Variants in RASSF5 observed in about 807,000 individuals in gnomAD.
RASSF5 encodes Ras association domain family member 5.
A neutral mutation model predicts 40.5 loss-of-function variants in RASSF5; 25 were observed. That is an observed-to-expected ratio of 0.62 (90% CI 0.45 to 0.86). RASSF5 has a LOEUF of 0.86. Ranked by LOEUF, RASSF5 falls within the 40% of genes least tolerant of loss-of-function variation. The probability of loss-of-function intolerance (pLI) is 0.00; values close to 1 mark genes in which losing one functional copy is unlikely to be tolerated. For synonymous variants in RASSF5, 246 were observed against 252.4 expected (o/e 0.97, Z 0.24); for missense variants, 521 against 572.8 (o/e 0.91, Z 0.92).
In RASSF5 at chr1:206,507,844, G is replaced by T. The variant is rs550837779; in HGVS notation, c.242G>T (p.Arg81Leu). ...CCGCCCCGGGCCTCCCGACCCGCTC[G>T]CCCGCTCCGGCCTGGTCTGCAGCAG... The part of the protein sequence containing the change: ...EPPPRASRPA[R>L]PLRPGLQQRL... Residue 81 changes from arginine to leucine, a missense_variant, in exon 1 of 6, where the codon CGC becomes CTC. By Grantham distance (102) the Arg-to-Leu change is moderately radical. This residue lies in a region of RASSF5 where 237 missense variants were observed against 212.0 expected (regional missense o/e 1.12). Transcript: ENST00000579436. The T allele has an allele frequency of 3.9e-5, 56 of 1,448,696 alleles. 1 individual carries two copies. In the South Asian group the frequency reaches 7.4e-4, roughly 19 times the overall value. 89.7% of individuals were successfully genotyped at this position (1,448,696 alleles called of 1,614,324 possible).
intron 1 of RASSF5, chr1:206,529,596 A>G (rs1553397685): frequency 5.1e-6 from 4 of 779,630 alleles, no homozygotes; most frequent in Non-Finnish European, 9.2e-6. Flanking sequence ...TGACAGATAC[A>G]ATGACATCCA....
chr1:206,574,590 TC>T (rs1378979286), intron 2 of RASSF5, among the ~76,000 whole-genome samples: 1 of 152,150 alleles, frequency 6.6e-6, no homozygotes, highest in African/African-American at 2.4e-5. Context: ...GAGCAGAAGC[TC>T]CATGATAAAG....
intron 2 of RASSF5, among the ~76,000 whole-genome samples, chr1:206,554,504 A>C (rs1553401481): frequency 6.6e-6 from 1 of 152,198 alleles, no homozygotes; most frequent in African/African-American, 2.4e-5. Context: ...CCCCAGCACG[A>C]CGCCATGGAT....
intron 2 of RASSF5, among the ~76,000 whole-genome samples, chr1:206,566,199 C>T (rs1668285557): frequency 6.6e-6 from 1 of 152,134 alleles, no homozygotes; most frequent in African/African-American, 2.4e-5. Flanking sequence ...CATGCTTGTC[C>T]AGCTCTAAAG....
At chr1:206,569,110 C>T (rs1306741863) in intron 2 of RASSF5, among the ~76,000 whole-genome samples, 3 of 152,260 alleles carry the variant, frequency 2.0e-5, no homozygotes, top group Non-Finnish European at 4.4e-5. Context: ...GCTTGGCCCT[C>T]TGAAGGTTTG....
At chr1:206,524,641 A>G (rs1444217231) in intron 1 of RASSF5, among the ~76,000 whole-genome samples, 1 of 137,706 alleles carries the variant, frequency 7.3e-6, no homozygotes, top group African/African-American at 2.7e-5. Flanking sequence ...TATATAAAAT[A>G]TATATTATAT....
At chr1:206,516,094 A>C (rs1666738697) in intron 1 of RASSF5, among the ~76,000 whole-genome samples, 1 of 152,200 alleles carries the variant, frequency 6.6e-6, no homozygotes, top group African/African-American at 2.4e-5. Context: ...AAGATGGTGA[A>C]GGTTGTTGCT....
At chr1:206,514,839 A>G (rs1427922503) in intron 1 of RASSF5, among the ~76,000 whole-genome samples, 1 of 152,200 alleles carries the variant, frequency 6.6e-6, no homozygotes, top group African/African-American at 2.4e-5. Context: ...ATTCACATGG[A>G]ATAGGAAGAG....
intron 2 of RASSF5, chr1:206,572,809 A>G (rs1553404446): frequency 1.3e-5 from 2 of 152,220 alleles, no homozygotes; most frequent in Admixed American, 6.5e-5. Context: ...TATAATTTTC[A>G]GTGGGTTTTT....
intron 2 of RASSF5, chr1:206,544,292 G>A (rs1667620235): frequency 6.6e-6 from 1 of 152,186 alleles, no homozygotes; most frequent in African/African-American, 2.4e-5. Context: ...AGTATTCTAG[G>A]TGGCAGTCCT....
At chr1:206,545,337 T>A (rs1342708441) in intron 2 of RASSF5, among the ~76,000 whole-genome samples, 10 of 128,872 alleles carry the variant, frequency 7.8e-5, no homozygotes, top group African/African-American at 1.2e-4. Context: ...CTTTTAGGAA[T>A]TTCTTGTGTT....
At chr1:206,530,833 T>G (rs1490416250) in intron 1 of RASSF5, among the ~76,000 whole-genome samples, 1 of 152,186 alleles carries the variant, frequency 6.6e-6, no homozygotes, top group South Asian at 2.1e-4. Flanking sequence ...ATGGAAGGTC[T>G]GAGGATGATC....
Position 206,513,818 on chromosome 1 carries a change from C to T in RASSF5, c.457+5759C>T, listed in dbSNP as rs1285216575. On this transcript the variant is annotated intron_variant, in intron 1 of 5. Coordinates refer to ENST00000579436, the MANE Select transcript of RASSF5 (RefSeq NM_182663.4). The surrounding 1 kb of genome is among the most constrained non-coding windows in gnomAD (Gnocchi z 5.0). Reference sequence around the variant, plus strand: ...AACAGCGAGGAGGCTGAGGTGATGACGTTAGACCAGGCAGAAGGCTGGGTT... The same window carrying T: ...AACAGCGAGGAGGCTGAGGTGATGATGTTAGACCAGGCAGAAGGCTGGGTT... 7.9e-5 allele frequency among the ~76,000 whole-genome samples: 12 copies of T among 152,250 alleles called. No homozygotes were observed. Among genetic ancestry groups the T allele is most frequent in the Admixed American group, 3.9e-4 (6 of 15,298 alleles).
chr1:206,558,941 C>T (rs979340899), intron 2 of RASSF5, among the ~76,000 whole-genome samples: 1 of 152,126 alleles, frequency 6.6e-6, no homozygotes, highest in Admixed American at 6.5e-5. Context: ...CCCACCCTCC[C>T]GTGGGGTTCT....
intron 1 of RASSF5, chr1:206,518,270 G>T (rs1553395664): frequency 5.6e-5 from 22 of 395,898 alleles, no homozygotes. Context: ...AGAGCCTGAG[G>T]GTCCAGGTGA....
At chr1:206,554,097 CA>C (rs1553401428) in intron 2 of RASSF5, among the ~76,000 whole-genome samples, 2 of 152,210 alleles carry the variant, frequency 1.3e-5, no homozygotes, top group African/African-American at 4.8e-5. Flanking sequence ...ACGGTGATTT[CA>C]AAATATGTCT....
intron 2 of RASSF5, among the ~76,000 whole-genome samples, chr1:206,562,043 A>G (rs1426919358): frequency 2.0e-5 from 3 of 152,138 alleles, no homozygotes; most frequent in Non-Finnish European, 4.4e-5. Context: ...TCTTGGGTCT[A>G]CAGTGACACC....
At chr1:206,581,639 G>T (rs1221149442) in intron 2 of RASSF5, among the ~76,000 whole-genome samples, 2 of 151,038 alleles carry the variant, frequency 1.3e-5, no homozygotes, top group Admixed American at 6.6e-5. Flanking sequence ...AGAGGGGGGA[G>T]AGAGAGAGAG....
At chr1:206,515,424 T>C (rs1666724004) in intron 1 of RASSF5, among the ~76,000 whole-genome samples, 1 of 152,176 alleles carries the variant, frequency 6.6e-6, no homozygotes, top group South Asian at 2.1e-4. Flanking sequence ...TCAGGGTGTG[T>C]AGGGGGTGGG....
Sources: allele counts gnomAD v4.1 joint callset (sites outside exome capture counted in the v4.1 genomes callset), GRCh38; gene constraint gnomAD v4.1.1; regional missense constraint gnomAD v4.1.1; non-coding constraint Gnocchi (gnomAD v3.1); transcripts MANE v1.5; gene names NCBI Gene and HGNC (gene_info 2026-07-23, HGNC 2026-07-21).